The following ICE2 variants were observed in gnomAD, a reference collection of about 807,000 sequenced individuals.
The protein encoded by ICE2 is interactor of little elongation complex ELL subunit 2.
In ICE2, 87 loss-of-function variants were observed where a neutral mutation model predicts 105.4. That is an observed-to-expected ratio of 0.83 (90% CI 0.69 to 0.99). The LOEUF (loss-of-function observed/expected upper bound fraction) is 0.99. Among genes scored for constraint, ICE2 ranks in the 50% least tolerant of loss-of-function variants. ICE2 has a pLI of 0.00. For missense variants in ICE2, 1,323 were observed against 1,146.7 expected, an observed-to-expected ratio of 1.15 and a Z score of -2.22; for synonymous variants, 399 against 392.0, an observed-to-expected ratio of 1.02 and a Z score of -0.21.
rs138593952 is a variant in ICE2, at chr15:60,436,214, T to C, written c.2439A>G (p.Ala813=). ...NSSFYVGHID[A]FTSKLFLLEE... is the part of the protein sequence containing the mutation. Reference sequence around the variant, plus strand: ...CCAGTAGAAAAAGTTTTGAAGTAAATGCATCGATATGCCCTAAAATAAAAT... The same window carrying C: ...CCAGTAGAAAAAGTTTTGAAGTAAACGCATCGATATGCCCTAAAATAAAAT... The change falls in exon 13 of 16, where the codon GCA becomes GCG. Residue 813 remains alanine (A), a synonymous_variant. Coordinates refer to ENST00000261520, the MANE Select transcript of ICE2 (RefSeq NM_024611.6). 4 of 1,355,148 alleles carry C rather than the reference T, an allele frequency of 3.0e-6. No homozygotes were observed. In the African/African-American group the frequency reaches 4.5e-5, roughly 15 times the overall value. 83.9% of individuals were successfully genotyped at this position (1,355,148 alleles called of 1,614,324 possible). A position where few individuals can be genotyped will look rare whatever the true frequency, so the allele number is the denominator to read the frequency against.
At chr15:60,471,376 G>A (rs1381911051) in intron 3 of ICE2, among the ~76,000 whole-genome samples, 3 of 152,182 alleles carry the variant, frequency 2.0e-5, no homozygotes, top group Admixed American at 6.5e-5. Context: ...ACTAGAAAAC[G>A]TCTTGAGAGC....
chr15:60,450,543 C>G (rs142032457), intron 9 of ICE2, among the ~76,000 whole-genome samples: 1 of 152,286 alleles, frequency 6.6e-6, no homozygotes, highest in East Asian at 1.9e-4. Context: ...CACCAGAAGA[C>G]CTCTCTTCAA....
chr15:60,477,496 T>C (rs2064796780), intron 2 of ICE2, among the ~76,000 whole-genome samples: 1 of 152,266 alleles, frequency 6.6e-6, no homozygotes, highest in Non-Finnish European at 1.5e-5. Context: ...CCAGGTTCTC[T>C]ATTTGCAAAG....
At position 60,428,680 on chromosome 15, in the gene ICE2, C is replaced by T; in HGVS notation, c.2569G>A (p.Glu857Lys). The T allele has an allele frequency of 6.2e-7, 1 of 1,612,864 alleles. No homozygotes were observed. The highest frequency in any genetic ancestry group is 2.2e-5 in the East Asian group (1 of 44,862). ...GCATGAGATAACAAGTAGGAACCCT[C>T]CTGCAAGCTAAATTCACACAATGAA... The part of the protein sequence containing the change: ...HILKKLSSLQ[E>K]GSYLLSHAAE... Residue 857 changes from glutamate (E) to lysine (K), a missense_variant, in exon 15 of 16, where the codon GAG becomes AAG. Glu to Lys is a moderately conservative substitution (Grantham distance 56). Coordinates refer to ENST00000261520, the MANE Select transcript of ICE2 (RefSeq NM_024611.6).
intron 13 of ICE2, among the ~76,000 whole-genome samples, chr15:60,433,446 T>A (rs185355903): frequency 1.3e-5 from 2 of 152,020 alleles, no homozygotes; most frequent in Admixed American, 6.5e-5. Context: ...CGTCTGTCCA[T>A]CCTTCCTTTC....
chr15:60,437,581 C>A (rs980711963), intron 12 of ICE2, among the ~76,000 whole-genome samples: 1 of 151,950 alleles, frequency 6.6e-6, no homozygotes. Flanking sequence ...GATCCACCTG[C>A]CTCAGCCTCC....
chr15:60,424,330 A>G lies in ICE2; in HGVS notation c.2821-568T>C, dbSNP rs114954563. Among the ~76,000 whole-genome samples, 175 of 152,222 alleles carry G rather than the reference A, an allele frequency of 1.1e-3. 1 individual carries two copies. The highest frequency in any genetic ancestry group is 4.0e-3 in the African/African-American group (168 of 41,540). On this transcript the variant is annotated intron_variant, in intron 15 of 15. Coordinates refer to ENST00000261520, the MANE Select transcript of ICE2 (RefSeq NM_024611.6). Reference sequence around the variant, plus strand: ...AAGGAAGTTTCAAGACAAGAACCCAAGTAGCAGGGAAATCCTGAAGGGCTG... The same window carrying G: ...AAGGAAGTTTCAAGACAAGAACCCAGGTAGCAGGGAAATCCTGAAGGGCTG...
At chr15:60,450,315 AC>A (rs2063936178) in intron 9 of ICE2, among the ~76,000 whole-genome samples, 1 of 152,180 alleles carries the variant, frequency 6.6e-6, no homozygotes, top group Non-Finnish European at 1.5e-5. Context: ...CTTCTGGTGC[AC>A]CCTTAATATC....
At chr15:60,429,234 A>T (rs2063403091) in intron 14 of ICE2, among the ~76,000 whole-genome samples, 1 of 152,258 alleles carries the variant, frequency 6.6e-6, no homozygotes, top group African/African-American at 2.4e-5. Context: ...TTAAATGTTT[A>T]TTATGAGCTA....
chr15:60,424,367 C>T (rs1380080362), intron 15 of ICE2, among the ~76,000 whole-genome samples: 1 of 85,312 alleles, frequency 1.2e-5, no homozygotes, highest in Non-Finnish European at 2.4e-5. Flanking sequence ...AAGAGGAGAG[C>T]AAGAAAGAAA....
intron 5 of ICE2, among the ~76,000 whole-genome samples, chr15:60,463,725 G>A (rs1327299104): frequency 2.0e-5 from 3 of 152,148 alleles, no homozygotes; most frequent in Admixed American, 6.5e-5. Flanking sequence ...GGCTGAGATC[G>A]TGCCATTGCA....
At chr15:60,441,806 T>TA (rs1566978929) in intron 12 of ICE2, 1 of 152,222 alleles carries the variant, frequency 6.6e-6, no homozygotes, top group Non-Finnish European at 1.5e-5. Context: ...AACTTCAGCC[T>TA]AATCCCCATA....
intron 11 of ICE2, among the ~76,000 whole-genome samples, chr15:60,446,848 A>G: frequency 6.6e-6 from 1 of 152,210 alleles, no homozygotes; most frequent in Non-Finnish European, 1.5e-5. Context: ...GTTAGATAAC[A>G]AGAGACAGAG....
At position 60,479,076 on chromosome 15, in the gene ICE2, T is replaced by G. The variant is rs2064860560; in HGVS notation, c.-166A>C. On this transcript the variant is annotated 5_prime_UTR_variant, in exon 1 of 16. Coordinates refer to ENST00000261520, the MANE Select transcript of ICE2 (RefSeq NM_024611.6). ...ACGCTCCACCCCACTCCTCACATTG[T>G]CGCGCGCGCCCAAAAAAGACCATAT... 6 of 450,760 alleles carry G rather than the reference T, an allele frequency of 1.3e-5. No homozygotes were observed. Among genetic ancestry groups the G allele is most frequent in the African/African-American group, 4.0e-5 (2 of 49,858 alleles). The allele number at this position is 450,760 out of a possible 1,614,324, so 27.9% of individuals were successfully genotyped here. A position where few individuals can be genotyped will look rare whatever the true frequency, so the allele number is the denominator to read the frequency against.
Position 60,448,820 on chromosome 15 carries a change from T to G in ICE2, c.2119+28A>C, listed in dbSNP as rs774572228. 5 of 1,546,132 alleles carry G rather than the reference T, an allele frequency of 3.2e-6. No individual in the cohort carries two copies. The Admixed American group carries it at 1.1e-4, about 33-fold the overall frequency. On this transcript the variant is annotated intron_variant, in intron 10 of 15. Coordinates refer to ENST00000261520, the MANE Select transcript of ICE2 (RefSeq NM_024611.6). ...TAAGGAAAAAGAACAAGTAAAACAC[T>G]GTAAGCTCTTTGTAAATATTTACTT...
In ICE2 at chr15:60,449,269, T is replaced by G. The variant is rs756353462; in HGVS notation, c.1698A>C (p.Thr566=). 1 of 1,613,496 alleles carries G rather than the reference T, an allele frequency of 6.2e-7. No homozygotes were observed. Among genetic ancestry groups the G allele is most frequent in the South Asian group, 1.1e-5 (1 of 91,054 alleles). ...VGSEAAKTED[T]VLCSSDTDEE... ...CATCTGTATCACTGCTGCAGAGAAC[T>G]GTATCTTCAGTTTTTGCTGCTTCTG... Residue 566 remains threonine, a synonymous_variant, in exon 10 of 16, where the codon ACA becomes ACC. Transcript: ENST00000261520.
chr15:60,429,763 T>A (rs2063415557), intron 14 of ICE2, among the ~76,000 whole-genome samples: 1 of 152,172 alleles, frequency 6.6e-6, no homozygotes, highest in Non-Finnish European at 1.5e-5. Flanking sequence ...TTTTTCCCAA[T>A]CATTTTCATA....
Position 60,448,656 on chromosome 15 carries a change from C to T in ICE2, c.2119+192G>A, listed in dbSNP as rs528041674. On this transcript the variant is annotated intron_variant, in intron 10 of 15. Transcript: ENST00000261520. The stretch of plus-strand genomic sequence containing the variant: ...ATAAACACAAGCTGCAAGACCCATA[C>T]GCCTTTGTATACATATCTAGAGAGG... Among the ~76,000 whole-genome samples the T allele has an allele frequency of 7.2e-5, 11 of 152,220 alleles. No homozygotes were observed. The East Asian group carries it at 1.3e-3, about 19-fold the overall frequency.
chr15:60,449,241 C>T lies in ICE2; in HGVS notation c.1726G>A (p.Glu576Lys), dbSNP rs2063900264. The T allele has an allele frequency of 6.2e-7, 1 of 1,613,764 alleles. No homozygotes were observed. Among genetic ancestry groups the T allele is most frequent in the African/African-American group, 1.3e-5 (1 of 74,916 alleles). ...CATTCTGTATCAATGATTAAACACT[C>T]CTCATCTGTATCACTGCTGCAGAGA... is the stretch of plus-strand genomic sequence containing the variant. ...TVLCSSDTDEECLIIDTECKN... is the reference protein window; with the variant it reads ...TVLCSSDTDEKCLIIDTECKN... The change falls in exon 10 of 16, where the codon GAG becomes AAG. Residue 576 changes from glutamate (E) to lysine (K), a missense_variant. Coordinates refer to ENST00000261520, the MANE Select transcript of ICE2 (RefSeq NM_024611.6).
Sources: gnomAD v4.1 joint callset for allele counts (sites outside exome capture counted in the v4.1 genomes callset) on GRCh38, gnomAD v4.1.1 for gene constraint, MANE v1.5 for transcripts, NCBI Gene and HGNC (gene_info 2026-07-23, HGNC 2026-07-21) for gene names.